Variants in NLGN1 observed in about 807,000 individuals in gnomAD.
The protein encoded by NLGN1 is neuroligin-1.
In NLGN1, 12 loss-of-function variants were observed where a neutral mutation model predicts 65.5. The observed-to-expected ratio is 0.18, with a 90% CI of 0.12 to 0.30. The LOEUF (loss-of-function observed/expected upper bound fraction) is 0.30, where lower values mean the gene tolerates loss of function less well. Ranked by LOEUF, NLGN1 falls within the 10% of genes least tolerant of loss-of-function variation. The pLI, the probability that NLGN1 is intolerant of heterozygous loss-of-function variation, is 1.00. For missense variants in NLGN1, 750 were observed against 1,007.1 expected (o/e 0.74, Z 3.46); for synonymous variants, 350 against 359.5 (o/e 0.97, Z 0.30).
chr3:174,171,134 T>G (rs1728441077), intron 4 of NLGN1, among the ~76,000 whole-genome samples: 1 of 152,162 alleles, frequency 6.6e-6, no homozygotes, highest in Non-Finnish European at 1.5e-5. Flanking sequence ...CAGTTTCAAA[T>G]GTACAGTGAT....
At chr3:173,441,378 T>C (rs1386821955) in intron 2 of NLGN1, among the ~76,000 whole-genome samples, 1 of 152,214 alleles carries the variant, frequency 6.6e-6, no homozygotes, top group African/African-American at 2.4e-5. Context: ...GCTTTTGGCC[T>C]ATTTTGGTTT....
At chr3:174,215,669 T>C (rs542744681) in intron 4 of NLGN1, among the ~76,000 whole-genome samples, 1 of 152,216 alleles carries the variant, frequency 6.6e-6, no homozygotes, top group East Asian at 1.9e-4. Context: ...CATAATGGCA[T>C]TTGGAGGCAT....
chr3:173,673,756 G>A (rs1232272916), intron 3 of NLGN1, among the ~76,000 whole-genome samples: 2 of 151,964 alleles, frequency 1.3e-5, no homozygotes, highest in African/African-American at 4.8e-5. Context: ...TATGTTAATG[G>A]TAGAAAGGTG....
intron 4 of NLGN1, among the ~76,000 whole-genome samples, chr3:174,168,172 T>C (rs1727882696): frequency 6.6e-6 from 1 of 152,128 alleles, no homozygotes; most frequent in African/African-American, 2.4e-5. Context: ...TGGATCTCAT[T>C]GAGCTTCCTT....
intron 4 of NLGN1, among the ~76,000 whole-genome samples, chr3:174,259,185 T>C (rs766357543): frequency 2.0e-5 from 3 of 152,166 alleles, no homozygotes; most frequent in Non-Finnish European, 4.4e-5. Context: ...AATTATCTTG[T>C]CATTTTTATA....
chr3:173,611,275 C>T (rs79494567), intron 3 of NLGN1, among the ~76,000 whole-genome samples: 53 of 152,028 alleles, frequency 3.5e-4, no homozygotes, highest in Non-Finnish European at 7.1e-4. Context: ...AGGTTCTCAC[C>T]GTCACTTTCC....
rs143237072 is a variant in NLGN1 at position 174,280,994 on chromosome 3, T to G, written c.2163T>G (p.Asp721Glu). 252 of 1,613,118 alleles carry G rather than the reference T, an allele frequency of 1.6e-4. No individual in the cohort carries two copies. Among genetic ancestry groups the G allele is most frequent in the Non-Finnish European group, 1.9e-4 (229 of 1,179,582 alleles). Residue 721 changes from aspartate (D) to glutamate (E), a missense_variant, in exon 7 of 7, where the codon GAT becomes GAG. By Grantham distance (45) the Asp-to-Glu change is conservative (BLOSUM62 2). Coordinates refer to ENST00000457714, the Ensembl canonical transcript of NLGN1. This position sits in a 1 kb window ranked among gnomAD's most constrained non-coding sequence, Gnocchi z 4.9. ...GCCCTCAGCGCACTACTACCAATGA[T>G]CTAACCCATGCACAAGAAGAGGAAA...
intron 1 of NLGN1, among the ~76,000 whole-genome samples, chr3:173,408,604 C>T (rs1023320412): frequency 1.3e-5 from 2 of 152,166 alleles, no homozygotes; most frequent in African/African-American, 4.8e-5. Flanking sequence ...AACATGGCCT[C>T]TATAACTTCT....
intron 2 of NLGN1, among the ~76,000 whole-genome samples, chr3:173,568,519 G>A (rs1013933121): frequency 6.6e-6 from 1 of 152,036 alleles, no homozygotes; most frequent in Non-Finnish European, 1.5e-5. Context: ...ACAGGCACAA[G>A]CCACTGTGCC....
chr3:173,940,579 A>G (rs1012074591), intron 4 of NLGN1, among the ~76,000 whole-genome samples: 2 of 152,170 alleles, frequency 1.3e-5, no homozygotes, highest in African/African-American at 2.4e-5. Flanking sequence ...AACAAATTCA[A>G]TTTAGAAATA....
chr3:173,882,947 C>T (rs952658551), intron 4 of NLGN1, among the ~76,000 whole-genome samples: 20 of 147,934 alleles, frequency 1.4e-4, no homozygotes, highest in East Asian at 4.0e-4. Context: ...TCCACTTGAA[C>T]GCTTAGCAGC....
intron 2 of NLGN1, among the ~76,000 whole-genome samples, chr3:173,490,108 T>C (rs1383784519): frequency 6.6e-6 from 1 of 152,200 alleles, no homozygotes; most frequent in Non-Finnish European, 1.5e-5. Flanking sequence ...CACTTGTCAA[T>C]TTTGTCTTTT....
At chr3:174,065,481 C>A (rs1247910679) in intron 4 of NLGN1, among the ~76,000 whole-genome samples, 2 of 152,036 alleles carry the variant, frequency 1.3e-5, no homozygotes, top group Non-Finnish European at 2.9e-5. Flanking sequence ...GAGAATTTTT[C>A]TTGGTGTGGA....
At chr3:173,765,082 GTGTGTGTGTGTGTGTGTA>G (rs1370415246) in intron 3 of NLGN1, among the ~76,000 whole-genome samples, 1 of 150,386 alleles carries the variant, frequency 6.6e-6, no homozygotes, top group African/African-American at 2.5e-5. Context: ...GTGTGTGTGT[GTGTGTGTGTGTGTGTGTA>G]TGTATGCACA....
Position 173,605,093 on chromosome 3 carries a change from T to G in NLGN1, c.493+2T>G, listed in dbSNP as rs1220962143. On this transcript the variant is annotated splice_donor_variant, in intron 3 of 6. Coordinates refer to ENST00000457714, the Ensembl canonical transcript of NLGN1. LOFTEE classifies it high-confidence loss of function. ...ATATATATGTCCCGACTGAGGATGG[T>G]GAGTTTATTGCAGGAAAAACAGGGA... 1 of 1,599,106 alleles carries G rather than the reference T, an allele frequency of 6.3e-7. No individual in the cohort carries two copies.
At chr3:173,951,947 A>ATAAC (rs1365600453) in intron 4 of NLGN1, among the ~76,000 whole-genome samples, 1 of 152,212 alleles carries the variant, frequency 6.6e-6, no homozygotes, top group Non-Finnish European at 1.5e-5. Context: ...TTTTCACAAC[A>ATAAC]TAACTTATGC....
At chr3:173,823,332 T>C (rs1009380238) in intron 4 of NLGN1, among the ~76,000 whole-genome samples, 3 of 152,066 alleles carry the variant, frequency 2.0e-5, no homozygotes, top group Non-Finnish European at 4.4e-5. Context: ...TAGAGAAAAG[T>C]AAGAAAAAAT....
downstream of NLGN1, among the ~76,000 whole-genome samples, chr3:174,290,769 A>G (rs1452023801): frequency 6.6e-6 from 1 of 151,048 alleles, no homozygotes; most frequent in Non-Finnish European, 1.5e-5. Context: ...GGAATAAAGG[A>G]CATGTCTGTT....
chr3:173,882,591 A>T lies in NLGN1; in HGVS notation c.646+74759A>T, dbSNP rs540665345. Among the ~76,000 whole-genome samples the T allele has an allele frequency of 3.3e-5, 5 of 152,348 alleles. No individual in the cohort carries two copies. In the East Asian group the frequency reaches 9.6e-4, roughly 29 times the overall value. On this transcript the variant is annotated intron_variant, in intron 4 of 6. Transcript: ENST00000457714. ...CTTCTTTCTTTCAACCTCATGAATC[A>T]GTCTTTGCCAGCTTCCAACTTTTCT...
Sources: allele counts gnomAD v4.1 joint callset (sites outside exome capture counted in the v4.1 genomes callset), GRCh38; gene constraint gnomAD v4.1.1; non-coding constraint Gnocchi (gnomAD v3.1); transcripts MANE v1.5; gene names NCBI Gene and HGNC (gene_info 2026-07-23, HGNC 2026-07-21).